The following TXNDC11 variants were observed in gnomAD, a reference collection of about 807,000 sequenced individuals.
TXNDC11 encodes thioredoxin domain-containing protein 11.
A neutral mutation model predicts 78.0 loss-of-function variants in TXNDC11; 68 were observed. That is an observed-to-expected ratio of 0.87 (90% confidence interval 0.72 to 1.07). The LOEUF (loss-of-function observed/expected upper bound fraction) is 1.07, where lower values mean the gene tolerates loss of function less well. TXNDC11 is among the 50% of genes least tolerant of loss of function. The probability of loss-of-function intolerance (pLI) is 0.00; values close to 1 mark genes in which losing one functional copy is unlikely to be tolerated. For synonymous variants in TXNDC11, 571 were observed against 495.2 expected (o/e 1.15, Z -2.03); for missense variants, 1,389 against 1,221.8 (o/e 1.14, Z -2.04).
intron 10 of TXNDC11, 127 bp from the exon 11 acceptor site, chr16:11,684,372 C>T (rs1363092468): frequency 3.1e-6 from 2 of 635,698 alleles, no homozygotes; most frequent in Middle Eastern, 3.0e-4. Flanking sequence ...AGTCCCTTCT[C>T]GATGAATGTA....
At chr16:11,716,382 G>C (rs931749902) in intron 5 of TXNDC11, among the ~76,000 whole-genome samples, 2 of 152,150 alleles carry the variant, frequency 1.3e-5, no homozygotes, top group African/African-American at 4.8e-5. Context: ...TTCAGAATAT[G>C]ACCCCTCTAC....
chr16:11,716,226 T>G (rs369509223), intron 5 of TXNDC11, among the ~76,000 whole-genome samples: 5 of 152,304 alleles, frequency 3.3e-5, no homozygotes, highest in African/African-American at 1.2e-4. Context: ...GTAGATCAGA[T>G]GAAAAATGGG....
chr16:11,704,428 T>C (rs2051119867), intron 5 of TXNDC11, among the ~76,000 whole-genome samples: 2 of 152,192 alleles, frequency 1.3e-5, no homozygotes, highest in African/African-American at 2.4e-5. Flanking sequence ...TATATTTACA[T>C]AGTGTCAAAT....
At position 11,679,601 on chromosome 16, in the gene TXNDC11, A is replaced by G. The variant is rs1259540688; in HGVS notation, c.2471T>C (p.Val824Ala). The G allele has an allele frequency of 6.2e-7, 1 of 1,613,976 alleles. No individual in the cohort carries two copies. Among genetic ancestry groups the G allele is most frequent in the African/African-American group, 1.3e-5 (1 of 74,922 alleles). ...GCGGGCACTGGAGAGCTGGGACTCC[A>G]CCTGCACTTGTGCTCGCTGGAGGCT... ...ISSLQRAQVQVESQLSSARRD... is the reference protein window; with the variant it reads ...ISSLQRAQVQAESQLSSARRD... Residue 824 changes from valine to alanine, a missense_variant, in exon 12 of 12, where the codon GTG (valine) becomes GCG (alanine). Coordinates refer to ENST00000283033, the MANE Select transcript of TXNDC11 (RefSeq NM_015914.7). The surrounding 1 kb of genome is among the most constrained non-coding windows in gnomAD (Gnocchi z 4.6).
chr16:11,736,092 G>A lies in TXNDC11; in HGVS notation c.396C>T (p.Phe132=). The A allele has an allele frequency of 6.2e-7, 1 of 1,614,166 alleles. No homozygotes were observed. The highest frequency in any genetic ancestry group is 8.5e-7 in the Non-Finnish European group (1 of 1,180,036). The part of the protein sequence containing the change: ...RRDSEVVLLF[F]YAPWCGQSIA... Reference sequence around the variant, plus strand: ...TGGACTGTCCACACCAAGGGGCATAGAAGAAGAGCAGTACCACCTCTGAAT... The same window carrying A: ...TGGACTGTCCACACCAAGGGGCATAAAAGAAGAGCAGTACCACCTCTGAAT... The change falls in exon 2 of 12, where the codon TTC becomes TTT. Residue 132 remains phenylalanine, a synonymous_variant. Coordinates refer to ENST00000283033, the MANE Select transcript of TXNDC11 (RefSeq NM_015914.7).
intron 5 of TXNDC11, among the ~76,000 whole-genome samples, chr16:11,719,739 C>A (rs1298074712): frequency 6.6e-6 from 1 of 152,128 alleles, no homozygotes; most frequent in Non-Finnish European, 1.5e-5. Context: ...CCTCAGAAAT[C>A]TTACAGTCTA....
At position 11,679,393 on chromosome 16, in the gene TXNDC11, C is replaced by T; in HGVS notation, c.2679G>A (p.Trp893Ter). 6.2e-7 allele frequency: 1 copy of T among 1,611,526 alleles called. No homozygotes were observed. Among genetic ancestry groups the T allele is most frequent in the Non-Finnish European group, 8.5e-7 (1 of 1,179,056 alleles). ...CCATGGTCGCCACCAGGATCTTGAGCCACGTGTTCTCGGTAAGGAGGTTTT... is the reference window on the plus strand; with the variant it reads ...CCATGGTCGCCACCAGGATCTTGAGTCACGTGTTCTCGGTAAGGAGGTTTT... ...ASENLLTENTWLKILVATMER... is the reference protein window; with the variant it reads ...ASENLLTENT The change falls in exon 12 of 12, where the codon TGG (tryptophan) becomes TGA (stop). Residue 893 changes from tryptophan to a stop codon, truncating the protein, a stop_gained. Transcript: ENST00000283033. LOFTEE classifies it low-confidence loss of function (END_TRUNC). This position sits in a 1 kb window ranked among gnomAD's most constrained non-coding sequence, Gnocchi z 4.6.
chr16:11,742,438 G>A, intron 1 of TXNDC11, 39 bp downstream of exon 1: 1 of 1,360,820 alleles, frequency 7.3e-7, no homozygotes, highest in Non-Finnish European at 9.4e-7. Context: ...AGAGCAAGGG[G>A]AGCGCCCTAG....
chr16:11,706,391 G>C (rs1388350175), intron 5 of TXNDC11, among the ~76,000 whole-genome samples: 1 of 152,252 alleles, frequency 6.6e-6, no homozygotes, highest in Admixed American at 6.5e-5. Flanking sequence ...CCTGGGCCCT[G>C]TGATCGTCGG....
rs2052435986 is a variant in TXNDC11, at chr16:11,742,543, G to A, written c.188C>T (p.Pro63Leu). 2 of 1,455,926 alleles carry A rather than the reference G, an allele frequency of 1.4e-6. No homozygotes were observed. The highest frequency in any genetic ancestry group is 3.0e-5 in the East Asian group (1 of 33,404). 90.2% of individuals were successfully genotyped at this position (1,455,926 alleles called of 1,614,324 possible). A position where few individuals can be genotyped will look rare whatever the true frequency, so the allele number is the denominator to read the frequency against. ...CGCCACGGCCCCGCAGAGCAGCTCCGGCCGCTGGCGCGCCATGAGGAAGGC... is the reference window on the plus strand; with the variant it reads ...CGCCACGGCCCCGCAGAGCAGCTCCAGCCGCTGGCGCGCCATGAGGAAGGC... ...RGAFLMARQRPELLCGAVALG... is the reference protein window; with the variant it reads ...RGAFLMARQRLELLCGAVALG... Residue 63 changes from proline (P) to leucine (L), a missense_variant, in exon 1 of 12, where the codon CCG becomes CTG. Physicochemically the swap from Pro to Leu is moderately conservative, Grantham distance 98. Coordinates refer to ENST00000283033, the MANE Select transcript of TXNDC11 (RefSeq NM_015914.7).
At chr16:11,685,127 G>A (rs1315498190) in intron 10 of TXNDC11, among the ~76,000 whole-genome samples, 1 of 152,232 alleles carries the variant, frequency 6.6e-6, no homozygotes, top group East Asian at 1.9e-4. Context: ...ACTTTGGGAG[G>A]CCGAGGTGGG....
At chr16:11,684,073 A>C in intron 11 of TXNDC11, 92 bp downstream of exon 11, 1 of 907,436 alleles carries the variant, frequency 1.1e-6, no homozygotes. Flanking sequence ...TTTTTTGAAC[A>C]TAATGAATGA....
chr16:11,719,964 A>C (rs372013432), intron 5 of TXNDC11, among the ~76,000 whole-genome samples: 8 of 152,180 alleles, frequency 5.3e-5, no homozygotes, highest in African/African-American at 1.9e-4. Context: ...AGCATATGCA[A>C]AGGCCACAGT....
intron 5 of TXNDC11, among the ~76,000 whole-genome samples, chr16:11,705,705 A>T (rs1316390712): frequency 2.0e-5 from 3 of 152,244 alleles, no homozygotes; most frequent in Non-Finnish European, 4.4e-5. Flanking sequence ...TTATAATTTC[A>T]AAACTTTATT....
In TXNDC11 at chr16:11,730,650, A is replaced by G. The variant is rs762771792; in HGVS notation, c.694T>C (p.Tyr232His). ...GAGATATGAAAGACAAGTACCTCGT[A>G]GTTTGAGAGAAAATCTAGTAATTCT... ...QSELLDFLSN[Y>H]EPGVLGYFEF... The change falls in exon 4 of 12, where the codon TAC becomes CAC. Residue 232 changes from tyrosine to histidine, a missense_variant. Coordinates refer to ENST00000283033, the MANE Select transcript of TXNDC11 (RefSeq NM_015914.7). The G allele has an allele frequency of 1.2e-6, 2 of 1,613,728 alleles. No individual in the cohort carries two copies. The highest frequency in any genetic ancestry group is 1.1e-5 in the South Asian group (1 of 91,056).
rs145502581 is a variant in TXNDC11, at chr16:11,736,166, G to A, written c.322C>T (p.Leu108Phe). ...VSFFSLRSPVLDLFQGQLDYA... is the reference protein window; with the variant it reads ...VSFFSLRSPVFDLFQGQLDYA... ...TCCAGCTGCCCCTGGAAGAGGTCAAGGACTGGAGACCTCAAGGAGAAAAAG... is the reference window on the plus strand; with the variant it reads ...TCCAGCTGCCCCTGGAAGAGGTCAAAGACTGGAGACCTCAAGGAGAAAAAG... Residue 108 changes from leucine (L) to phenylalanine (F), a missense_variant, in exon 2 of 12, where the codon CTT (leucine) becomes TTT (phenylalanine). Physicochemically the swap from Leu to Phe is conservative, Grantham distance 22. Coordinates refer to ENST00000283033, the MANE Select transcript of TXNDC11 (RefSeq NM_015914.7). The A allele has an allele frequency of 6.8e-6, 11 of 1,614,138 alleles. No homozygotes were observed. In the East Asian group the frequency reaches 2.5e-4, roughly 36 times the overall value.
chr16:11,688,803 G>A (rs2050634909), intron 8 of TXNDC11, among the ~76,000 whole-genome samples: 1 of 152,128 alleles, frequency 6.6e-6, no homozygotes, highest in African/African-American at 2.4e-5. Flanking sequence ...ATAATACTAA[G>A]ACCTTTAAGC....
At chr16:11,699,483 G>C (rs969278896) in intron 6 of TXNDC11, among the ~76,000 whole-genome samples, 2 of 152,250 alleles carry the variant, frequency 1.3e-5, no homozygotes, top group African/African-American at 4.8e-5. Context: ...GATTGTCAAG[G>C]TGGGACGATG....
chr16:11,685,880 A>G lies in TXNDC11; in HGVS notation c.2154-1635T>C, dbSNP rs561639586. Among the ~76,000 whole-genome samples, 375 of 152,306 alleles carry G rather than the reference A, an allele frequency of 2.5e-3. 1 individual carries two copies. The highest frequency in any genetic ancestry group is 4.5e-3 in the Non-Finnish European group (306 of 68,020). On this transcript the variant is annotated intron_variant, in intron 10 of 11. Coordinates refer to ENST00000283033, the MANE Select transcript of TXNDC11 (RefSeq NM_015914.7). ...AGAAAGCAAACTATAAAATTAAAAC[A>G]TTGTAAAAATCCACTCAGAATTCCA...
Sources: allele counts gnomAD v4.1 joint callset (sites outside exome capture counted in the v4.1 genomes callset), GRCh38; gene constraint gnomAD v4.1.1; non-coding constraint Gnocchi (gnomAD v3.1); transcripts MANE v1.5; gene names NCBI Gene and HGNC (gene_info 2026-07-23, HGNC 2026-07-21).